ARSF: variants seen among roughly 807,000 people sequenced by gnomAD.
ARSF encodes the protein arylsulfatase F.
A neutral mutation model predicts 35.4 loss-of-function variants in ARSF; 33 were observed. That is an observed-to-expected ratio of 0.93 (90% CI 0.71 to 1.25). The LOEUF (loss-of-function observed/expected upper bound fraction) is 1.25, where lower values mean the gene tolerates loss of function less well. Among genes scored for constraint, ARSF ranks in the 50% most tolerant of loss-of-function variants. The pLI is 0.00. For synonymous variants in ARSF, 222 were observed against 193.1 expected (o/e 1.15, Z -1.24); for missense variants, 501 against 480.2 (o/e 1.04, Z -0.40).
rs189721588 is a variant in ARSF, at chrX:3,102,906, A to G, written c.1103-856A>G. ...CAGCCTGGCAACAGAGCGAGACTCC[A>G]TCTCAAAAAAAAAAAAATTAACTTT... is the stretch of plus-strand genomic sequence containing the variant. On this transcript the variant is annotated intron_variant, in intron 8 of 10. Transcript: ENST00000381127. Among the ~76,000 whole-genome samples, 440 of 107,603 alleles carry G rather than the reference A, an allele frequency of 4.1e-3. 5 individuals are homozygous for G. The East Asian group carries it at 0.056, about 14-fold the overall frequency. 93.4% of individuals were successfully genotyped at this position (107,603 alleles called of 115,157 possible).
At chrX:3,093,038 C>T (rs892901215) in intron 7 of ARSF, among the ~76,000 whole-genome samples, 9 of 107,571 alleles carry the variant, frequency 8.4e-5, no homozygotes, top group Admixed American at 1.9e-4. Context: ...TGGTGGCGGG[C>T]GTCTGTAGTC....
At position 3,112,515 on chromosome X, in the gene ARSF, G is replaced by A. The variant is rs1245213829; in HGVS notation, c.1732G>A (p.Glu578Lys). The A allele has an allele frequency of 8.3e-7, 1 of 1,203,140 alleles. No homozygotes were observed. The highest frequency in any genetic ancestry group is 2.2e-5 in the Admixed American group (1 of 45,466). ...CCCATTTTGTCTGTGTGACAAGGAA[G>A]AGGAAGTCTCTCAGCCTCGGGGTCC... is the stretch of plus-strand genomic sequence containing the variant. The part of the protein sequence containing the change: ...VFPFCLCDKE[E>K]EVSQPRGPNE... Residue 578 changes from glutamate (E) to lysine (K), a missense_variant, in exon 11 of 11, where the codon GAG becomes AAG. By Grantham distance (56) the Glu-to-Lys change is moderately conservative. Coordinates refer to ENST00000381127, the MANE Select transcript of ARSF (RefSeq NM_001201539.2).
chrX:3,070,788 C>CA (rs2090097553), intron 2 of ARSF, among the ~76,000 whole-genome samples: 1 of 111,383 alleles, frequency 9.0e-6, no homozygotes, highest in South Asian at 3.8e-4. Flanking sequence ...TTTGCAGCCT[C>CA]ATAGCTTAGC....
chrX:3,076,493 C>T (rs1201684044), intron 3 of ARSF, 55 bp from the exon 4 acceptor site: 48 of 1,132,564 alleles, frequency 4.2e-5, no homozygotes, highest in Non-Finnish European at 5.5e-5. Context: ...CTCTCTGCTT[C>T]CCCCGCCCCC....
chrX:3,104,103 CT>C (rs1180828897), intron 9 of ARSF, among the ~76,000 whole-genome samples, 179 bp downstream of exon 9: 1 of 111,657 alleles, frequency 9.0e-6, no homozygotes, highest in African/African-American at 3.3e-5. Flanking sequence ...CCAGTCTTTT[CT>C]TTTTTTCTAT....
In ARSF at chrX:3,058,458, G is replaced by C. The variant is rs1229221589; in HGVS notation, c.-28-9615G>C. On this transcript the variant is annotated intron_variant, in intron 1 of 10. Transcript: ENST00000381127. ...TAGCCCAGAACTTCTGGGCCGAAGC[G>C]ATCCCCCACCTCAGTCTCCTGAGTA... The C allele has an allele frequency of 1.3e-5, 3 of 235,294 alleles. No homozygotes were observed. The South Asian group carries it at 1.4e-4, about 11-fold the overall frequency. The allele number at this position is 235,294 out of a possible 1,213,427, so 19.4% of individuals were successfully genotyped here. A position where few individuals can be genotyped will look rare whatever the true frequency, so the allele number is the denominator to read the frequency against.
At position 3,112,394 on chromosome X, in the gene ARSF, C is replaced by T. The variant is rs776113304; in HGVS notation, c.1611C>T (p.Ala537=). 78 of 1,209,328 alleles carry T rather than the reference C, an allele frequency of 6.4e-5. No individual in the cohort carries two copies. Among genetic ancestry groups the T allele is most frequent in the Non-Finnish European group, 8.4e-5 (75 of 895,105 alleles). ...TTGTGATTAAAAAGGTGGCCAACGC[C>T]CTGAAGGAACACCAGGAAACCATCG... ...HDFVIKKVAN[A]LKEHQETIVP... is the part of the protein sequence containing the mutation. Residue 537 remains alanine (A), a synonymous_variant, in exon 11 of 11, where the codon GCC becomes GCT. Transcript: ENST00000381127.
In ARSF at chrX:3,100,328, T is replaced by C. The variant is rs2090367077; in HGVS notation, c.968-759T>C. Reference sequence around the variant, plus strand: ...AAATTCTGTAACAATGTCTGCCTTCTGTGAGCAGAGAGGTTGCATAAACCG... The same window carrying C: ...AAATTCTGTAACAATGTCTGCCTTCCGTGAGCAGAGAGGTTGCATAAACCG... On this transcript the variant is annotated intron_variant, in intron 7 of 10. Transcript: ENST00000381127. Among the ~76,000 whole-genome samples, 5 of 112,540 alleles carry C rather than the reference T, an allele frequency of 4.4e-5. No individual in the cohort carries two copies. In the Admixed American group the frequency reaches 4.7e-4, roughly 11 times the overall value.
upstream of ARSF, among the ~76,000 whole-genome samples, chrX:3,041,299 C>CTTTTTT (rs35885735): frequency 1.1e-5 from 1 of 87,427 alleles, no homozygotes; most frequent in Non-Finnish European, 2.1e-5. Flanking sequence ...TTTTCTTTTT[C>CTTTTTT]TTTTTTTTTT....
intron 5 of ARSF, among the ~76,000 whole-genome samples, chrX:3,081,315 A>C (rs1466634920): frequency 9.0e-6 from 1 of 111,183 alleles, no homozygotes; most frequent in Non-Finnish European, 1.9e-5. Flanking sequence ...TGGGAGGATT[A>C]CTTGTGGCAG....
chrX:3,074,068 C>T lies in ARSF; in HGVS notation c.161+1893C>T, dbSNP rs1167919363. Among the ~76,000 whole-genome samples, 5 of 110,299 alleles carry T rather than the reference C, an allele frequency of 4.5e-5. No individual in the cohort carries two copies. The East Asian group carries it at 1.4e-3, about 31-fold the overall frequency. ...TGCTGAAGGTAGTCATCACAGTTTT[C>T]GACAACGGAGCTAGGAGTCATGAAA... On this transcript the variant is annotated intron_variant, in intron 3 of 10. Transcript: ENST00000381127.
At chrX:3,073,217 G>GATAATATATAAATATATATTTATATAT (rs2090119080) in intron 3 of ARSF, among the ~76,000 whole-genome samples, 1 of 89,436 alleles carries the variant, frequency 1.1e-5, no homozygotes, top group Non-Finnish European at 2.1e-5. Context: ...AATATATATT[G>GATAATATATAAATATATATTTATATAT]ATAATATATA....
At chrX:3,046,565 G>T (rs1488421875) in intron 1 of ARSF, among the ~76,000 whole-genome samples, 1 of 111,604 alleles carries the variant, frequency 9.0e-6, no homozygotes, top group African/African-American at 3.3e-5. Context: ...AGGGAATTTC[G>T]TTCACTGGAT....
At position 3,112,503 on chromosome X, in the gene ARSF, T is replaced by A; in HGVS notation, c.1720T>A (p.Cys574Ser). 1 of 1,206,293 alleles carries A rather than the reference T, an allele frequency of 8.3e-7. No homozygotes were observed. The highest frequency in any genetic ancestry group is 1.1e-6 in the Non-Finnish European group (1 of 892,154). The part of the protein sequence containing the change: ...PCCGVFPFCL[C>S]DKEEEVSQPR... The stretch of plus-strand genomic sequence containing the variant: ...CTGTGGGGTGTTCCCATTTTGTCTG[T>A]GTGACAAGGAAGAGGAAGTCTCTCA... The change falls in exon 11 of 11, where the codon TGT becomes AGT. Residue 574 changes from cysteine to serine, a missense_variant. Coordinates refer to ENST00000381127, the MANE Select transcript of ARSF (RefSeq NM_001201539.2).
intron 3 of ARSF, among the ~76,000 whole-genome samples, chrX:3,075,524 C>G (rs776844207): frequency 9.3e-6 from 1 of 107,693 alleles, no homozygotes; most frequent in Admixed American, 1.0e-4. Context: ...CTCTCTGTCT[C>G]CCTCTCTTTG....
Position 3,078,610 on chromosome X carries a change from C to T in ARSF, c.283+1941C>T, listed in dbSNP as rs1181418126. Among the ~76,000 whole-genome samples the T allele has an allele frequency of 8.1e-5, 9 of 111,051 alleles. No homozygotes were observed. In the Admixed American group the frequency reaches 8.7e-4, roughly 11 times the overall value. ...AAACTCCAGGGCTCAAGCGATTCTC[C>T]CTCCTCAGCCTCCTGAGTAGCTGAG... On this transcript the variant is annotated intron_variant, in intron 4 of 10. Coordinates refer to ENST00000381127, the MANE Select transcript of ARSF (RefSeq NM_001201539.2).
Position 3,072,074 on chromosome X carries a change from C to T in ARSF, c.60C>T (p.Cys20=), listed in dbSNP as rs768636621. ...TGGTGTGTGCACTCTTGAACACATG[C>T]CAGGCACACAGGGTGCATGACGACA... ...MSLVCALLNT[C]QAHRVHDDKP... The change falls in exon 3 of 11, where the codon TGC becomes TGT. Residue 20 remains cysteine (C), a synonymous_variant. Coordinates refer to ENST00000381127, the MANE Select transcript of ARSF (RefSeq NM_001201539.2). The T allele has an allele frequency of 6.6e-6, 8 of 1,210,975 alleles. No homozygotes were observed. In the Admixed American group the frequency reaches 1.7e-4, roughly 26 times the overall value.
chrX:3,110,364 C>T (rs5982644), intron 10 of ARSF, 112 bp downstream of exon 10: 70,413 of 830,530 alleles, frequency 0.085, 2,742 homozygotes, highest in African/African-American at 0.22. Flanking sequence ...TTCCAGGGCT[C>T]ACTGAACACA....
chrX:3,049,940 A>G (rs1463956514), intron 1 of ARSF, among the ~76,000 whole-genome samples: 4 of 110,046 alleles, frequency 3.6e-5, no homozygotes, highest in African/African-American at 1.3e-4. Flanking sequence ...GGCTCACTGC[A>G]ACCCCACCTC....
Sources: gnomAD v4.1 joint callset for allele counts (sites outside exome capture counted in the v4.1 genomes callset) on GRCh38, gnomAD v4.1.1 for gene constraint, MANE v1.5 for transcripts, NCBI Gene and HGNC (gene_info 2026-07-23, HGNC 2026-07-21) for gene names.